Variants in KIAA0825 observed in about 807,000 individuals in gnomAD.
The protein encoded by KIAA0825 is uncharacterized protein KIAA0825.
A neutral mutation model predicts 147.6 loss-of-function variants in KIAA0825; 119 were observed. That is an observed-to-expected ratio of 0.81 (90% CI 0.69 to 0.94). The LOEUF is 0.94. Among genes scored for constraint, KIAA0825 ranks in the 40% least tolerant of loss-of-function variants. KIAA0825 has a pLI of 0.00. For missense variants in KIAA0825, 1,381 were observed against 1,472.7 expected (o/e 0.94, Z 1.02); for synonymous variants, 470 against 518.1 (o/e 0.91, Z 1.26).
In KIAA0825 at chr5:94,472,412, G is replaced by A. The variant is rs140680407; in HGVS notation, c.1456-681C>T. 4.3e-3 allele frequency among the ~76,000 whole-genome samples: 655 copies of A among 152,312 alleles called. 12 individuals carry two copies. The Middle Eastern group carries it at 0.068, about 16-fold the overall frequency. Reference sequence around the variant, plus strand: ...AATGTTCTGGAGACTTAGAGTGACTGTGGCAGAATAAGGAGGTCATCGTCA... The same window carrying A: ...AATGTTCTGGAGACTTAGAGTGACTATGGCAGAATAAGGAGGTCATCGTCA... On this transcript the variant is annotated intron_variant, in intron 8 of 20. Coordinates refer to ENST00000682413, the MANE Select transcript of KIAA0825 (RefSeq NM_001145678.3).
At chr5:94,240,193 G>C (rs566768134) in intron 20 of KIAA0825, among the ~76,000 whole-genome samples, 2 of 152,078 alleles carry the variant, frequency 1.3e-5, no homozygotes, top group East Asian at 3.9e-4. Flanking sequence ...TTCAAAACTC[G>C]GCTAACCCAT....
At chr5:94,351,380 C>T (rs1012430234) in intron 20 of KIAA0825, among the ~76,000 whole-genome samples, 1 of 152,046 alleles carries the variant, frequency 6.6e-6, no homozygotes. Flanking sequence ...TACACCTAAC[C>T]AGGGAGTTGA....
intron 5 of KIAA0825, among the ~76,000 whole-genome samples, chr5:94,486,687 T>C (rs1025184616): frequency 6.6e-6 from 1 of 152,164 alleles, no homozygotes; most frequent in African/African-American, 2.4e-5. Flanking sequence ...AGGCAGCATA[T>C]ACAACTAAGG....
At chr5:94,308,543 T>G (rs1778889638) in intron 20 of KIAA0825, among the ~76,000 whole-genome samples, 1 of 151,808 alleles carries the variant, frequency 6.6e-6, no homozygotes. Flanking sequence ...TATACATAAA[T>G]TCAAGGGACT....
At chr5:94,496,052 G>T (rs902429423) in intron 5 of KIAA0825, among the ~76,000 whole-genome samples, 6 of 152,300 alleles carry the variant, frequency 3.9e-5, no homozygotes, top group South Asian at 2.1e-4. Flanking sequence ...GACAAGAGTA[G>T]GTGGGAAGGG....
intron 5 of KIAA0825, among the ~76,000 whole-genome samples, chr5:94,512,085 A>G (rs1349954256): frequency 3.3e-5 from 5 of 152,150 alleles, no homozygotes; most frequent in African/African-American, 1.2e-4. Flanking sequence ...ACATAATTAC[A>G]ATGAAAAATA....
intron 20 of KIAA0825, among the ~76,000 whole-genome samples, chr5:94,292,107 A>G (rs1777926908): frequency 6.6e-6 from 1 of 152,020 alleles, no homozygotes; most frequent in African/African-American, 2.4e-5. Context: ...ATTTCTTTCT[A>G]TTGCCTGATT....
intron 20 of KIAA0825, among the ~76,000 whole-genome samples, chr5:94,242,348 C>G (rs1171957048): frequency 6.6e-6 from 1 of 152,112 alleles, no homozygotes; most frequent in African/African-American, 2.4e-5. Flanking sequence ...TGCTTTCATT[C>G]CCCGCTGATT....
intron 13 of KIAA0825, among the ~76,000 whole-genome samples, chr5:94,450,353 C>A (rs1345978908): frequency 6.8e-6 from 1 of 147,892 alleles, no homozygotes; most frequent in Non-Finnish European, 1.5e-5. Flanking sequence ...AACAAGAGTT[C>A]TCTCACCCAG....
At chr5:94,591,969 C>T (rs1029498109) in intron 1 of KIAA0825, among the ~76,000 whole-genome samples, 1 of 152,272 alleles carries the variant, frequency 6.6e-6, no homozygotes, top group East Asian at 1.9e-4. Flanking sequence ...GATTCCATTA[C>T]CTCCTACTGG....
chr5:94,505,652 T>C (rs1403573268), intron 5 of KIAA0825, among the ~76,000 whole-genome samples: 2 of 152,122 alleles, frequency 1.3e-5, no homozygotes, highest in South Asian at 2.1e-4. Context: ...AGATTTGTCT[T>C]AAATAAAAAA....
At chr5:94,542,605 G>A (rs1028349963) in intron 2 of KIAA0825, among the ~76,000 whole-genome samples, 2 of 152,130 alleles carry the variant, frequency 1.3e-5, no homozygotes, top group Non-Finnish European at 2.9e-5. Flanking sequence ...TCAGGAGTTT[G>A]AGACCAGCCT....
In KIAA0825 at chr5:94,574,469, G is replaced by A. The variant is rs567058201; in HGVS notation, c.-2+7964C>T. On this transcript the variant is annotated intron_variant, in intron 2 of 20. Coordinates refer to ENST00000682413, the MANE Select transcript of KIAA0825 (RefSeq NM_001145678.3). ...TGAGGCAGGAGCATCGCGTGAACCC[G>A]GGATGGGGAGGTTGCGGTGAGCCAA... Among the ~76,000 whole-genome samples, 147 of 149,844 alleles carry A rather than the reference G, an allele frequency of 9.8e-4. 1 individual carries two copies. The highest frequency in any genetic ancestry group is 3.4e-3 in the African/African-American group (140 of 40,728).
Position 94,506,215 on chromosome 5 carries a change from A to G in KIAA0825, c.970+14033T>C, listed in dbSNP as rs116382358. Among the ~76,000 whole-genome samples, 850 of 152,348 alleles carry G rather than the reference A, an allele frequency of 5.6e-3. 4 individuals carry two copies. Among genetic ancestry groups the G allele is most frequent in the Non-Finnish European group, 0.01 (712 of 68,026 alleles). ...TACCCATCCCGCATGAATGCCTTAC[A>G]TAGTCTATCAGGATATACTGTGTTA... On this transcript the variant is annotated intron_variant, in intron 5 of 20. Transcript: ENST00000682413.
chr5:94,267,798 T>C (rs1045045969), intron 20 of KIAA0825, among the ~76,000 whole-genome samples: 1 of 152,176 alleles, frequency 6.6e-6, no homozygotes, highest in Admixed American at 6.5e-5. Context: ...CCTCTTTGTT[T>C]CTGTATTTCA....
chr5:94,364,584 G>C (rs1029989285), intron 20 of KIAA0825, among the ~76,000 whole-genome samples: 1 of 151,952 alleles, frequency 6.6e-6, no homozygotes, highest in Non-Finnish European at 1.5e-5. Context: ...GGGTTTCACT[G>C]TGTTAGCCAG....
At chr5:94,216,594 G>T (rs1773220811) in intron 20 of KIAA0825, among the ~76,000 whole-genome samples, 1 of 152,112 alleles carries the variant, frequency 6.6e-6, no homozygotes, top group Non-Finnish European at 1.5e-5. Context: ...AAAGGGCTTG[G>T]TCTATCCTGA....
chr5:94,356,721 A>ATTTTTTTTTTTTTTTTTTTTTTTTTT (rs1156680490), intron 20 of KIAA0825, among the ~76,000 whole-genome samples: 1 of 112,544 alleles, frequency 8.9e-6, no homozygotes, highest in Non-Finnish European at 1.9e-5. Flanking sequence ...GTTTAACTTG[A>ATTTTTTTTTTTTTTTTTTTTTTTTTT]TTTCTTTTTT....
At chr5:94,605,058 C>T (rs561802767) in intron 1 of KIAA0825, among the ~76,000 whole-genome samples, 15 of 151,952 alleles carry the variant, frequency 9.9e-5, no homozygotes, top group Non-Finnish European at 1.8e-4. Flanking sequence ...AAATAACAAA[C>T]ACAATCAGGA....
Sources: allele counts gnomAD v4.1 joint callset (sites outside exome capture counted in the v4.1 genomes callset), GRCh38; gene constraint gnomAD v4.1.1; transcripts MANE v1.5; gene names NCBI Gene and HGNC (gene_info 2026-07-23, HGNC 2026-07-21).